The following RBPJ variants were observed in gnomAD, a reference collection of about 807,000 sequenced individuals.
RBPJ encodes the protein recombining binding protein suppressor of hairless.
RBPJ carries 9 observed loss-of-function variants against 67.8 expected under a neutral mutation model. The observed-to-expected ratio is 0.13, with a 90% confidence interval of 0.08 to 0.23. The LOEUF is 0.23. Ranked by LOEUF, RBPJ falls within the 10% of genes least tolerant of loss-of-function variation. RBPJ has a pLI of 1.00. For synonymous variants in RBPJ, 198 were observed against 203.3 expected (o/e 0.97, Z 0.22); for missense variants, 305 against 595.6 (o/e 0.51, Z 5.08).
chr4:26,182,635 A>T (rs1717050589), intron 1 of RBPJ, among the ~76,000 whole-genome samples: 1 of 151,284 alleles, frequency 6.6e-6, no homozygotes, highest in Admixed American at 6.6e-5. Flanking sequence ...CTGGGACTAC[A>T]GGCATGCCCC....
At chr4:26,345,361 A>G (rs184795566) in intron 1 of RBPJ, among the ~76,000 whole-genome samples, 1 of 152,228 alleles carries the variant, frequency 6.6e-6, no homozygotes, top group Admixed American at 6.5e-5. Context: ...GGGATTTCCC[A>G]GTTGTCATAG....
rs111259675 is a variant in RBPJ at position 26,264,111 on chromosome 4, C to G, written c.-166-98335C>G. ...AGGCTGCAGGCTGGTCTTGAACTCTCGACTCAGGTGATCCACCCAACTCAA... is the reference window on the plus strand; with the variant it reads ...AGGCTGCAGGCTGGTCTTGAACTCTGGACTCAGGTGATCCACCCAACTCAA... On this transcript the variant is annotated intron_variant, in intron 1 of 4. Transcript: ENST00000512351. This position sits in a 1 kb window ranked among gnomAD's most constrained non-coding sequence, Gnocchi z 4.1. Among the ~76,000 whole-genome samples, 5,155 of 151,766 alleles carry G rather than the reference C, an allele frequency of 0.034. 205 individuals are homozygous for G. Among genetic ancestry groups the G allele is most frequent in the Middle Eastern group, 0.092 (27 of 294 alleles).
chr4:26,224,948 CA>C (rs1460036433), intron 1 of RBPJ, among the ~76,000 whole-genome samples: 31 of 152,076 alleles, frequency 2.0e-4, no homozygotes, highest in African/African-American at 7.5e-4. Context: ...ATGTTAGAGA[CA>C]AAACAAAGAC....
At chr4:26,270,417 GAAAGA>G (rs1720865543) in intron 1 of RBPJ, among the ~76,000 whole-genome samples, 1 of 54,562 alleles carries the variant, frequency 1.8e-5, no homozygotes, top group African/African-American at 4.7e-5. Flanking sequence ...AAGAAAGAAA[GAAAGA>G]AAGAAAGAAA....
the RBPJ span, among the ~76,000 whole-genome samples, chr4:26,118,921 G>T: frequency 4.6e-5 from 7 of 152,172 alleles, no homozygotes; most frequent in East Asian, 1.4e-3. Context: ...CTTCTATTAG[G>T]TCAATGGCTA....
At position 26,326,343 on chromosome 4, in the gene RBPJ, A is replaced by G. The variant is rs191163413; in HGVS notation, c.20+5295A>G. Among the ~76,000 whole-genome samples the G allele has an allele frequency of 9.2e-5, 14 of 152,228 alleles. No homozygotes were observed. In the East Asian group the frequency reaches 2.1e-3, roughly 23 times the overall value. ...AAAAGTTTTTTTTTTTGATTATTAG[A>G]AAATACTACATTATATTTGTATAAA... On this transcript the variant is annotated intron_variant, in intron 1 of 10. Transcript: ENST00000355476.
chr4:26,219,418 C>T (rs1577485968), intron 1 of RBPJ, among the ~76,000 whole-genome samples: 1 of 152,188 alleles, frequency 6.6e-6, no homozygotes, highest in African/African-American at 2.4e-5. Context: ...TCTCCTGTCA[C>T]TGAGGAATGG....
chr4:26,374,576 A>G (rs909030602), intron 1 of RBPJ, among the ~76,000 whole-genome samples: 1 of 151,804 alleles, frequency 6.6e-6, no homozygotes, highest in Non-Finnish European at 1.5e-5. Context: ...CCAGGGTTCA[A>G]GCAATTCTCC....
the RBPJ span, among the ~76,000 whole-genome samples, chr4:26,130,260 C>T: frequency 6.6e-6 from 1 of 152,210 alleles, no homozygotes. Context: ...TAGGCCAGCA[C>T]ATAGTTCACC....
At chr4:26,159,925 T>TC (rs1414696711), upstream of RBPJ, among the ~76,000 whole-genome samples, 12 of 85,730 alleles carry the variant, frequency 1.4e-4, no homozygotes, top group Admixed American at 8.9e-4. Context: ...CTCTCTCTCT[T>TC]TTTTTTTTTT....
intron 1 of RBPJ, among the ~76,000 whole-genome samples, chr4:26,234,787 G>A (rs1719399819): frequency 6.6e-6 from 1 of 152,064 alleles, no homozygotes; most frequent in South Asian, 2.1e-4. Context: ...CCTACTCCCT[G>A]GTTCAAGCGA....
At chr4:26,150,123 A>G in the RBPJ span, among the ~76,000 whole-genome samples, 1 of 151,920 alleles carries the variant, frequency 6.6e-6, no homozygotes, top group East Asian at 1.9e-4. Context: ...AGTAGGAAAA[A>G]CTCTTCCATT....
At chr4:26,402,400 T>C (rs1732927278) in intron 2 of RBPJ, among the ~76,000 whole-genome samples, 1 of 152,162 alleles carries the variant, frequency 6.6e-6, no homozygotes, top group East Asian at 1.9e-4. Flanking sequence ...TCTTCAGTTG[T>C]TTTATTTGTC....
upstream of RBPJ, among the ~76,000 whole-genome samples, chr4:26,318,236 C>T (rs1722728303): frequency 2.0e-5 from 3 of 152,078 alleles, no homozygotes. Flanking sequence ...CAATTCAACT[C>T]TACATTTGCG....
rs1722516530 is a variant in RBPJ at position 26,313,800 on chromosome 4, C to T, written c.-166-48646C>T. 2.0e-5 allele frequency among the ~76,000 whole-genome samples: 3 copies of T among 152,234 alleles called. No individual in the cohort carries two copies. The South Asian group carries it at 6.2e-4, about 32-fold the overall frequency. On this transcript the variant is annotated intron_variant, in intron 1 of 4. Transcript: ENST00000512351. ...GTGGTGAGACAAGATTGCACCAATGCACTCCAGCCTGGGCATCAAGAGCGA... is the reference window on the plus strand; with the variant it reads ...GTGGTGAGACAAGATTGCACCAATGTACTCCAGCCTGGGCATCAAGAGCGA...
chr4:26,366,691 A>T (rs1389030189), intron 1 of RBPJ, among the ~76,000 whole-genome samples: 1 of 151,454 alleles, frequency 6.6e-6, no homozygotes, highest in Non-Finnish European at 1.5e-5. Context: ...AAGTGCTGGG[A>T]TTACAGGCAT....
At chr4:26,249,897 T>C (rs1364335967) in intron 1 of RBPJ, among the ~76,000 whole-genome samples, 1 of 150,146 alleles carries the variant, frequency 6.7e-6, no homozygotes, top group East Asian at 2.0e-4. Flanking sequence ...GCGATTCTCC[T>C]GCCTCAGCCT....
intron 1 of RBPJ, among the ~76,000 whole-genome samples, chr4:26,223,691 T>G (rs1019163771): frequency 6.6e-6 from 1 of 152,134 alleles, no homozygotes; most frequent in African/African-American, 2.4e-5. Flanking sequence ...ATAGGAGGCA[T>G]AGTCAGTAGA....
intron 1 of RBPJ, among the ~76,000 whole-genome samples, chr4:26,246,037 T>C (rs73114514): frequency 0.26 from 40,233 of 152,094 alleles, 5,346 homozygotes; most frequent in African/African-American, 0.29. Context: ...ATTGTTATAG[T>C]TATTCTGAGC....
Sources: allele counts gnomAD v4.1 joint callset (sites outside exome capture counted in the v4.1 genomes callset), GRCh38; gene constraint gnomAD v4.1.1; non-coding constraint Gnocchi (gnomAD v3.1); transcripts MANE v1.5; gene names NCBI Gene and HGNC (gene_info 2026-07-23, HGNC 2026-07-21).